The following UBE2G1 variants were observed in gnomAD, a reference collection of about 807,000 sequenced individuals.
UBE2G1 encodes the protein ubiquitin conjugating enzyme E2 G1.
In UBE2G1, 5 loss-of-function variants were observed where a neutral mutation model predicts 22.7. That is an observed-to-expected ratio of 0.22 (90% CI 0.12 to 0.46). The LOEUF (loss-of-function observed/expected upper bound fraction) is 0.46. UBE2G1 is among the 20% of genes least tolerant of loss of function. The pLI is 0.99. For missense variants in UBE2G1, 88 were observed against 203.9 expected (o/e 0.43, Z 3.46); for synonymous variants, 74 against 67.5 (o/e 1.10, Z -0.47).
chr17:4,326,698 G>A (rs1489151743), intron 1 of UBE2G1, among the ~76,000 whole-genome samples: 1 of 152,200 alleles, frequency 6.6e-6, no homozygotes, highest in Non-Finnish European at 1.5e-5. Flanking sequence ...TCAACCAACA[G>A]ATGAATGGAT....
intron 1 of UBE2G1, among the ~76,000 whole-genome samples, chr17:4,356,542 C>A (rs1031920904): frequency 3.3e-5 from 5 of 152,094 alleles, no homozygotes; most frequent in African/African-American, 7.2e-5. Context: ...TTCCAAGCAA[C>A]CACACAAGTT....
chr17:4,283,556 A>C, intron 4 of UBE2G1, among the ~76,000 whole-genome samples: 1 of 152,192 alleles, frequency 6.6e-6, no homozygotes, highest in East Asian at 1.9e-4. Flanking sequence ...TATTGGAAAC[A>C]ACCAGAAAAT....
At chr17:4,326,091 A>T (rs1389927412) in intron 1 of UBE2G1, among the ~76,000 whole-genome samples, 1 of 152,122 alleles carries the variant, frequency 6.6e-6, no homozygotes, top group East Asian at 1.9e-4. Flanking sequence ...CAAGAGCAAT[A>T]GAGACAAAAG....
intron 1 of UBE2G1, among the ~76,000 whole-genome samples, chr17:4,358,424 C>A (rs1440342723): frequency 6.6e-6 from 1 of 151,980 alleles, no homozygotes; most frequent in African/African-American, 2.4e-5. Context: ...AGCCACCACA[C>A]CTGTCTAATT....
rs149082778 is a variant in UBE2G1 at position 4,306,233 on chromosome 17, T to A, written c.149+788A>T. Among the ~76,000 whole-genome samples the A allele has an allele frequency of 2.0e-5, 3 of 152,318 alleles. No homozygotes were observed. In the East Asian group the frequency reaches 5.8e-4, roughly 29 times the overall value. On this transcript the variant is annotated intron_variant, in intron 2 of 5. Transcript: ENST00000396981. The stretch of plus-strand genomic sequence containing the variant: ...CTTCTTAAAACACTGATGTGTGTAA[T>A]ACATTCTCAATTAAAATGTCCAAAA...
intron 3 of UBE2G1, among the ~76,000 whole-genome samples, chr17:4,291,886 A>C (rs901140798): frequency 2.6e-5 from 4 of 152,136 alleles, no homozygotes; most frequent in Non-Finnish European, 2.9e-5. Context: ...CTCTTTTGTG[A>C]AATGTCTGTT....
chr17:4,363,849 A>C (rs1281192992), intron 1 of UBE2G1, among the ~76,000 whole-genome samples: 3 of 145,636 alleles, frequency 2.1e-5, no homozygotes, highest in African/African-American at 5.1e-5. Flanking sequence ...CTACTCGGGA[A>C]GCTCAGGCAG....
intron 2 of UBE2G1, among the ~76,000 whole-genome samples, chr17:4,304,788 G>T (rs865972408): frequency 6.6e-6 from 1 of 151,908 alleles, no homozygotes; most frequent in South Asian, 2.1e-4. Flanking sequence ...CCTCCCCCCA[G>T]CACAAGCCTC....
intron 1 of UBE2G1, among the ~76,000 whole-genome samples, chr17:4,331,075 A>T (rs937239716): frequency 6.6e-6 from 1 of 151,746 alleles, no homozygotes; most frequent in African/African-American, 2.4e-5. Flanking sequence ...TACCTAGCAG[A>T]ATCAAACATT....
chr17:4,340,276 AACTGAT>A (rs1969696313), intron 1 of UBE2G1, among the ~76,000 whole-genome samples: 2 of 152,142 alleles, frequency 1.3e-5, no homozygotes, highest in Admixed American at 6.6e-5. Context: ...TCTTGCCCTA[AACTGAT>A]ACTGAGGTTC....
intron 1 of UBE2G1, among the ~76,000 whole-genome samples, chr17:4,340,092 T>TA (rs918885411): frequency 2.6e-5 from 4 of 152,106 alleles, no homozygotes; most frequent in African/African-American, 7.2e-5. Context: ...TGGCTTTTTT[T>TA]AACTGTTTGT....
chr17:4,299,298 C>G (rs1396284743), intron 2 of UBE2G1, among the ~76,000 whole-genome samples: 1 of 152,034 alleles, frequency 6.6e-6, no homozygotes, highest in East Asian at 1.9e-4. Context: ...ACTTGGGAGG[C>G]TGAGGTAGGA....
intron 1 of UBE2G1, among the ~76,000 whole-genome samples, chr17:4,346,913 G>A (rs1408307724): frequency 1.3e-5 from 2 of 151,810 alleles, no homozygotes; most frequent in African/African-American, 4.8e-5. Context: ...AGCACTTTGG[G>A]AGACCAAGGC....
At chr17:4,358,067 T>C (rs951685373) in intron 1 of UBE2G1, among the ~76,000 whole-genome samples, 1 of 152,154 alleles carries the variant, frequency 6.6e-6, no homozygotes, top group African/African-American at 2.4e-5. Context: ...CCACCAGCAA[T>C]GTATAAAAGT....
chr17:4,357,503 GTGTGT>G lies in UBE2G1; in HGVS notation c.46+8763_46+8767del, dbSNP rs201492709. 2.3e-3 allele frequency among the ~76,000 whole-genome samples: 145 copies of G among 62,472 alleles called. 1 individual carries two copies. Among genetic ancestry groups the G allele is most frequent in the African/African-American group, 7.9e-3 (116 of 14,732 alleles). The allele number at this position is 62,472 out of a possible 152,430, so 41.0% of individuals were successfully genotyped here. ...TGTCATCACTCGGTTGTGTGTGTGT[GTGTGT>G]GGGGGGGGGGGGTGGGTGTATAACT... is the stretch of plus-strand genomic sequence containing the variant. On this transcript the variant is annotated intron_variant, in intron 1 of 5. Coordinates refer to ENST00000396981, the MANE Select transcript of UBE2G1 (RefSeq NM_003342.5).
At chr17:4,324,982 C>T (rs1440345414) in intron 1 of UBE2G1, among the ~76,000 whole-genome samples, 1 of 151,948 alleles carries the variant, frequency 6.6e-6, no homozygotes, top group African/African-American at 2.4e-5. Flanking sequence ...GAGGCTGAGG[C>T]AGGAGAACGG....
chr17:4,281,904 T>C (rs927065581), intron 5 of UBE2G1, among the ~76,000 whole-genome samples: 2 of 152,214 alleles, frequency 1.3e-5, no homozygotes, highest in Admixed American at 1.3e-4. Context: ...ATAACCCACA[T>C]GTGAGCAATT....
intron 5 of UBE2G1, 130 bp from the exon 6 acceptor site, chr17:4,272,646 C>T (rs1968774775): frequency 5.4e-6 from 1 of 186,342 alleles, no homozygotes; most frequent in South Asian, 1.4e-4. Flanking sequence ...CACTTTGTTT[C>T]TATCTATTAT....
At chr17:4,302,203 C>A (rs1234676937) in intron 2 of UBE2G1, 1 of 507,842 alleles carries the variant, frequency 2.0e-6, no homozygotes. Context: ...TCTTTCCAGG[C>A]AGCAAGTGCA....
Sources: allele counts gnomAD v4.1 joint callset (sites outside exome capture counted in the v4.1 genomes callset), GRCh38; gene constraint gnomAD v4.1.1; transcripts MANE v1.5; gene names NCBI Gene and HGNC (gene_info 2026-07-23, HGNC 2026-07-21).